PRR5: variants seen among roughly 807,000 people sequenced by gnomAD.
PRR5 encodes proline-rich protein 5.
A neutral mutation model predicts 30.6 loss-of-function variants in PRR5; 25 were observed. The observed-to-expected ratio is 0.82, with a 90% CI of 0.60 to 1.14. The LOEUF (loss-of-function observed/expected upper bound fraction) is 1.14, where lower values mean the gene tolerates loss of function less well. Ranked by LOEUF, PRR5 falls within the 50% of genes most tolerant of loss-of-function variation. PRR5 has a pLI of 0.00. For missense variants in PRR5, 600 were observed against 547.1 expected, an observed-to-expected ratio of 1.10 and a Z score of -0.96; for synonymous variants, 286 against 247.1, an observed-to-expected ratio of 1.16 and a Z score of -1.48.
chr22:44,712,648 A>T (rs761120052), intron 1 of PRR5, among the ~76,000 whole-genome samples: 11 of 152,202 alleles, frequency 7.2e-5, no homozygotes, highest in Non-Finnish European at 1.6e-4. Context: ...GGAAGGGTAG[A>T]GTTAAAGCAG....
intron 1 of PRR5, among the ~76,000 whole-genome samples, chr22:44,708,966 CAAAAAAAA>C (rs60854330): frequency 2.2e-4 from 14 of 64,434 alleles, no homozygotes; most frequent in African/African-American, 4.2e-4. Context: ...GACTCTGTCT[CAAAAAAAA>C]AAAAAAAAAA....
At chr22:44,725,079 G>A (rs1388710329) in intron 2 of PRR5, among the ~76,000 whole-genome samples, 165 bp from the exon 3 acceptor site, 4 of 152,268 alleles carry the variant, frequency 2.6e-5, no homozygotes, top group Non-Finnish European at 2.9e-5. Context: ...GGCCGACCCA[G>A]CCCCTGCAGG....
At chr22:44,678,015 A>G (rs574359389) in intron 1 of PRR5, among the ~76,000 whole-genome samples, 9 of 152,198 alleles carry the variant, frequency 5.9e-5, no homozygotes, top group Non-Finnish European at 1.2e-4. Flanking sequence ...AGCTGGTTTT[A>G]AGGTGGAAGT....
chr22:44,722,062 G>A (rs573570585), intron 2 of PRR5, among the ~76,000 whole-genome samples: 2 of 152,228 alleles, frequency 1.3e-5, no homozygotes, highest in African/African-American at 4.8e-5. Flanking sequence ...AGGTTGGGGG[G>A]ACTGCTGGGG....
At chr22:44,694,499 C>T (rs532371278) in intron 1 of PRR5, among the ~76,000 whole-genome samples, 26 of 152,338 alleles carry the variant, frequency 1.7e-4, no homozygotes, top group African/African-American at 6.0e-4. Flanking sequence ...TGCCACTGCA[C>T]TCCAGCCTGG....
At chr22:44,714,090 A>G (rs1928682567) in intron 1 of PRR5, among the ~76,000 whole-genome samples, 1 of 151,756 alleles carries the variant, frequency 6.6e-6, no homozygotes, top group South Asian at 2.1e-4. Context: ...GGCGTGAGCC[A>G]CCGCGCCCGG....
rs143701249 is a variant in PRR5 at position 44,688,832 on chromosome 22, A to T, written c.-11+11592A>T. 7.9e-4 allele frequency among the ~76,000 whole-genome samples: 121 copies of T among 152,242 alleles called. 1 individual carries two copies. The highest frequency in any genetic ancestry group is 3.4e-3 in the Middle Eastern group (1 of 294). On this transcript the variant is annotated intron_variant, in intron 1 of 8. Transcript: ENST00000006251. Reference sequence around the variant, plus strand: ...GTGAAACCCTGTCTCTCCTAAAAATACAAAAATTAGCCGGGCATGGTGGTG... The same window carrying T: ...GTGAAACCCTGTCTCTCCTAAAAATTCAAAAATTAGCCGGGCATGGTGGTG...
intron 4 of PRR5, among the ~76,000 whole-genome samples, chr22:44,727,552 G>A (rs1252998093): frequency 6.6e-6 from 1 of 152,200 alleles, no homozygotes; most frequent in Non-Finnish European, 1.5e-5. Context: ...AGCACTGAAT[G>A]AATGGGGAAA....
upstream of PRR5, among the ~76,000 whole-genome samples, chr22:44,699,551 T>C (rs527838978): frequency 3.3e-5 from 5 of 152,372 alleles, no homozygotes; most frequent in East Asian, 7.7e-4. Context: ...CCCTTTATTC[T>C]TATGAGATAA....
chr22:44,729,492 G>C (rs986829533), intron 4 of PRR5: 1 of 985,408 alleles, frequency 1.0e-6, no homozygotes, highest in Non-Finnish European at 1.2e-6. Context: ...GCACACACCC[G>C]GCCCCGTCCT....
chr22:44,676,453 A>G (rs1350583491), upstream of PRR5, among the ~76,000 whole-genome samples: 1 of 151,974 alleles, frequency 6.6e-6, no homozygotes, highest in Non-Finnish European at 1.5e-5. Flanking sequence ...AGAAAAGAAA[A>G]AAGAAAAAAC....
In PRR5 at chr22:44,727,339, G is replaced by A. The variant is rs138606474; in HGVS notation, c.322+705G>A. 5.3e-5 allele frequency among the ~76,000 whole-genome samples: 8 copies of A among 152,282 alleles called. No individual in the cohort carries two copies. The East Asian group carries it at 7.7e-4, about 15-fold the overall frequency. ...AGGAGCGAGCTGCCCTGGGAGCGGG[G>A]TCAGGTGAGGGGGTCCACTCAGTTC... is the stretch of plus-strand genomic sequence containing the variant. On this transcript the variant is annotated intron_variant, in intron 4 of 7. Coordinates refer to ENST00000336985, the MANE Select transcript of PRR5 (RefSeq NM_181333.4).
intron 7 of PRR5, among the ~76,000 whole-genome samples, chr22:44,736,441 C>T (rs1371016424): frequency 6.6e-6 from 1 of 152,104 alleles, no homozygotes; most frequent in Non-Finnish European, 1.5e-5. Flanking sequence ...GTGCCAAAGT[C>T]CATACACTTC....
intron 2 of PRR5, among the ~76,000 whole-genome samples, chr22:44,722,076 G>A (rs1296620575): frequency 6.6e-6 from 1 of 152,212 alleles, no homozygotes; most frequent in Non-Finnish European, 1.5e-5. Context: ...GCTGGGGCGG[G>A]GGCTGCCTCG....
At chr22:44,669,017 G>C (rs1382107410) in intron 1 of PRR5, among the ~76,000 whole-genome samples, 2 of 151,568 alleles carry the variant, frequency 1.3e-5, no homozygotes, top group Admixed American at 1.3e-4. Flanking sequence ...AATCTGCGGG[G>C]CAGGGGCGGC....
intron 1 of PRR5, among the ~76,000 whole-genome samples, chr22:44,683,140 C>T (rs917116726): frequency 1.3e-5 from 2 of 152,208 alleles, no homozygotes; most frequent in South Asian, 2.1e-4. Flanking sequence ...CCCCTGGGTC[C>T]CCTGCCTCTC....
chr22:44,724,467 A>G (rs1225823799), intron 2 of PRR5, among the ~76,000 whole-genome samples: 1 of 152,210 alleles, frequency 6.6e-6, no homozygotes, highest in Non-Finnish European at 1.5e-5. Flanking sequence ...CCTAAAGGGA[A>G]TAGCAACCTA....
intron 4 of PRR5, among the ~76,000 whole-genome samples, chr22:44,728,530 G>T (rs1374903170): frequency 6.6e-6 from 1 of 152,238 alleles, no homozygotes; most frequent in Non-Finnish European, 1.5e-5. Context: ...GGAAGAAAGG[G>T]TTCATTCCAC....
chr22:44,732,526 G>A (rs2147170142), intron 6 of PRR5, 135 bp downstream of exon 6: 3 of 1,351,970 alleles, frequency 2.2e-6, no homozygotes, highest in East Asian at 2.5e-5. Flanking sequence ...GGAGAAGCCT[G>A]TCAGGGCCAG....
Sources: allele counts gnomAD v4.1 joint callset (sites outside exome capture counted in the v4.1 genomes callset), GRCh38; gene constraint gnomAD v4.1.1; transcripts MANE v1.5; gene names NCBI Gene and HGNC (gene_info 2026-07-23, HGNC 2026-07-21).